Variants in COPG1 observed in about 807,000 individuals in gnomAD.
COPG1 encodes coatomer subunit gamma-1.
A neutral mutation model predicts 102.8 loss-of-function variants in COPG1; 29 were observed. The ratio of observed to expected loss-of-function variants is 0.28; its 90% CI spans 0.21 to 0.38. COPG1 has a LOEUF of 0.38. Ranked by LOEUF, COPG1 falls within the 10% of genes least tolerant of loss-of-function variation. The probability of loss-of-function intolerance (pLI) is 1.00; values close to 1 mark genes in which losing one functional copy is unlikely to be tolerated. For missense variants in COPG1, 875 were observed against 1,132.7 expected, an observed-to-expected ratio of 0.77 and a Z score of 3.27; for synonymous variants, 406 against 421.6, an observed-to-expected ratio of 0.96 and a Z score of 0.45.
intron 17 of COPG1, 123 bp downstream of exon 17, chr3:129,268,743 C>G (rs1322809476): frequency 8.7e-6 from 11 of 1,264,858 alleles, no homozygotes; most frequent in Non-Finnish European, 1.2e-5. Flanking sequence ...AGGAAATGAT[C>G]TTTTCCACCT....
intron 12 of COPG1, 39 bp from the exon 13 acceptor site, chr3:129,263,865 T>G (rs770893343): frequency 3.2e-6 from 5 of 1,575,192 alleles, no homozygotes; most frequent in Non-Finnish European, 3.5e-6. Flanking sequence ...CCCATCTTGG[T>G]GGCAGGGCCT....
chr3:129,273,354 A>C (rs562969364), intron 21 of COPG1, among the ~76,000 whole-genome samples: 16 of 152,378 alleles, frequency 1.1e-4, no homozygotes, highest in African/African-American at 3.4e-4. Flanking sequence ...ATGGAAATAC[A>C]TGTTCATGTG....
rs1327806264 is a variant in COPG1, at chr3:129,260,619, G to A, written c.940G>A (p.Val314Ile). The A allele has an allele frequency of 6.2e-7, 1 of 1,613,816 alleles. No individual in the cohort carries two copies. Among genetic ancestry groups the A allele is most frequent in the Non-Finnish European group, 8.5e-7 (1 of 1,179,922 alleles). ...CTCTGTCACTGTCCTCCCAAAACAGGTTGCCATGAAGCATCCGTCAGCTGT... is the reference window on the plus strand; with the variant it reads ...CTCTGTCACTGTCCTCCCAAAACAGATTGCCATGAAGCATCCGTCAGCTGT... ...RYAAVRTLNK[V>I]AMKHPSAVTA... Residue 314 changes from valine (V) to isoleucine (I), a missense_variant and splice_region_variant, in exon 12 of 24, where the codon GTT (valine) becomes ATT (isoleucine). Coordinates refer to ENST00000314797, the MANE Select transcript of COPG1 (RefSeq NM_016128.4).
intron 21 of COPG1, 24 bp downstream of exon 21, chr3:129,272,928 T>C: frequency 2.1e-6 from 3 of 1,446,352 alleles, no homozygotes; most frequent in South Asian, 1.2e-5. Flanking sequence ...GTCAGGAAGC[T>C]CAGTTTTGTG....
In COPG1 at chr3:129,275,132, G is replaced by A. The variant is rs999385700; in HGVS notation, c.2396-62G>A. 3.8e-5 allele frequency: 58 copies of A among 1,522,548 alleles called. No individual in the cohort carries two copies. The African/African-American group carries it at 6.8e-4, about 18-fold the overall frequency. 94.3% of individuals were successfully genotyped at this position (1,522,548 alleles called of 1,614,324 possible). ...ATTAAAAGCCCTTCAGAACATGGGGGAGTGGTGGTGGCACAAAGGGCAGAT... is the reference window on the plus strand; with the variant it reads ...ATTAAAAGCCCTTCAGAACATGGGGAAGTGGTGGTGGCACAAAGGGCAGAT... On this transcript the variant is annotated intron_variant, in intron 22 of 23. Transcript: ENST00000314797. This position sits in a 1 kb window ranked among gnomAD's most constrained non-coding sequence, Gnocchi z 5.0.
intron 23 of COPG1, among the ~76,000 whole-genome samples, chr3:129,276,972 C>T (rs1256988800): frequency 6.6e-6 from 1 of 151,962 alleles, no homozygotes; most frequent in Non-Finnish European, 1.5e-5. Context: ...TACAGGCGTC[C>T]ACCACCATGC....
chr3:129,249,985 A>C (rs1471777094), intron 1 of COPG1, among the ~76,000 whole-genome samples: 12 of 139,124 alleles, frequency 8.6e-5, no homozygotes, highest in Admixed American at 2.1e-4. Flanking sequence ...CCCCCCCCCC[A>C]GGCCTCAATT....
intron 8 of COPG1, 98 bp from the exon 9 acceptor site, chr3:129,257,372 C>T: frequency 1.5e-6 from 2 of 1,321,108 alleles, no homozygotes; most frequent in Non-Finnish European, 2.2e-6. Context: ...CTGTGCCCAT[C>T]TTAGAAATGA....
At chr3:129,269,956 G>A (rs773949089) in intron 18 of COPG1, among the ~76,000 whole-genome samples, 2 of 150,318 alleles carry the variant, frequency 1.3e-5, no homozygotes, top group South Asian at 2.1e-4. Context: ...GAGGTGGCCC[G>A]TATCCTTGGC....
chr3:129,272,442 ATCC>A, intron 20 of COPG1, 27 bp downstream of exon 20: 1 of 1,595,342 alleles, frequency 6.3e-7, no homozygotes, highest in Non-Finnish European at 8.6e-7. Context: ...ATACCACCCT[ATCC>A]TCCTGGGAGC....
At chr3:129,266,349 G>A (rs1004095287) in intron 14 of COPG1, among the ~76,000 whole-genome samples, 5 of 151,616 alleles carry the variant, frequency 3.3e-5, no homozygotes, top group Non-Finnish European at 5.9e-5. Context: ...GGCTGGTCAC[G>A]AACTCCTGGG....
intron 7 of COPG1, 43 bp downstream of exon 7, chr3:129,255,120 A>T (rs776583090): frequency 7.8e-7 from 1 of 1,290,220 alleles, no homozygotes; most frequent in Non-Finnish European, 1.1e-6. Flanking sequence ...TGGGGTAGAA[A>T]ATTGAAGAAA....
chr3:129,260,771 C>T lies in COPG1; in HGVS notation c.1092C>T (p.Ile364=). 1 of 1,612,676 alleles carries T rather than the reference C, an allele frequency of 6.2e-7. No individual in the cohort carries two copies. Among genetic ancestry groups the T allele is most frequent in the Non-Finnish European group, 8.5e-7 (1 of 1,179,996 alleles). ...ESSIDRLMKQ[I]SSFMSEISDE... Reference sequence around the variant, plus strand: ...GCATCGACCGCCTCATGAAGCAGATCTCCTCCTTCATGTCAGAAATCTCGG... The same window carrying T: ...GCATCGACCGCCTCATGAAGCAGATTTCCTCCTTCATGTCAGAAATCTCGG... The change falls in exon 12 of 24, where the codon ATC becomes ATT. Residue 364 remains isoleucine (I), a synonymous_variant. Transcript: ENST00000314797.
At chr3:129,265,108 A>G (rs1014880667) in intron 13 of COPG1, among the ~76,000 whole-genome samples, 1 of 150,608 alleles carries the variant, frequency 6.6e-6, no homozygotes, top group African/African-American at 2.5e-5. Flanking sequence ...GACGTGAGCC[A>G]CTGCGCCCGG....
At chr3:129,270,221 A>G (rs980831290) in intron 18 of COPG1, among the ~76,000 whole-genome samples, 2 of 151,856 alleles carry the variant, frequency 1.3e-5, no homozygotes, top group Non-Finnish European at 2.9e-5. Flanking sequence ...GGGAATTAGC[A>G]TGTGGGCATC....
At chr3:129,265,477 TG>T in intron 13 of COPG1, 71 bp from the exon 14 acceptor site, 1 of 1,558,178 alleles carries the variant, frequency 6.4e-7, no homozygotes, top group South Asian at 1.2e-5. Context: ...CAACTGTCCT[TG>T]GTCCAGCTCA....
rs1940188288 is a variant in COPG1, at chr3:129,271,928, G to A, written c.1986+19G>A. The A allele has an allele frequency of 1.2e-6, 2 of 1,612,566 alleles. No homozygotes were observed. Among genetic ancestry groups the A allele is most frequent in the South Asian group, 2.2e-5 (2 of 90,834 alleles). On this transcript the variant is annotated intron_variant, in intron 19 of 23. Transcript: ENST00000314797. The surrounding 1 kb of genome is among the most constrained non-coding windows in gnomAD (Gnocchi z 4.7). Reference sequence around the variant, plus strand: ...TTTTCAGGTGAGCAAGGTGGGCTGAGGCCCTGCTGGGGCATGCGCCCAGGG... The same window carrying A: ...TTTTCAGGTGAGCAAGGTGGGCTGAAGCCCTGCTGGGGCATGCGCCCAGGG...
intron 19 of COPG1, 81 bp from the exon 20 acceptor site, chr3:129,272,163 A>T (rs115693266): frequency 1.5e-6 from 2 of 1,315,290 alleles, no homozygotes; most frequent in Non-Finnish European, 1.1e-6. Context: ...AATAGGAAAG[A>T]GGTGGGACCT....
intron 20 of COPG1, 69 bp from the exon 21 acceptor site, chr3:129,272,738 C>T (rs777615100): frequency 2.1e-6 from 2 of 953,634 alleles, no homozygotes; most frequent in Admixed American, 2.0e-5. Context: ...GCCTGCTTGT[C>T]CCCTGCAGGA....
Sources: allele counts gnomAD v4.1 joint callset (sites outside exome capture counted in the v4.1 genomes callset), GRCh38; gene constraint gnomAD v4.1.1; non-coding constraint Gnocchi (gnomAD v3.1); transcripts MANE v1.5; gene names NCBI Gene and HGNC (gene_info 2026-07-23, HGNC 2026-07-21).